Variants in AUTS2 observed in about 807,000 individuals in gnomAD.
AUTS2 encodes the protein activator of transcription and developmental regulator AUTS2.
A neutral mutation model predicts 112.4 loss-of-function variants in AUTS2; 17 were observed. The ratio of observed to expected loss-of-function variants is 0.15; its 90% CI spans 0.10 to 0.23. The LOEUF is 0.23. Among genes scored for constraint, AUTS2 ranks in the 10% least tolerant of loss-of-function variants. The pLI, the probability that AUTS2 is intolerant of heterozygous loss-of-function variation, is 1.00. For missense variants in AUTS2, 1,510 were observed against 1,701.6 expected (o/e 0.89, Z 1.98); for synonymous variants, 751 against 702.7 (o/e 1.07, Z -1.09).
At chr7:70,108,816 A>T (rs1393219868) in intron 2 of AUTS2, among the ~76,000 whole-genome samples, 6 of 140,778 alleles carry the variant, frequency 4.3e-5, no homozygotes, top group Admixed American at 2.1e-4. Context: ...AAAAAAAAAT[A>T]GCCGAGGATG....
chr7:70,425,681 T>A (rs907752529), intron 4 of AUTS2, among the ~76,000 whole-genome samples: 1 of 152,212 alleles, frequency 6.6e-6, no homozygotes, highest in Admixed American at 6.5e-5. Flanking sequence ...ACTGCCTGCC[T>A]GGGGAGCAAG....
intron 5 of AUTS2, among the ~76,000 whole-genome samples, chr7:70,526,841 C>T (rs1033534488): frequency 2.5e-4 from 38 of 152,176 alleles, no homozygotes; most frequent in African/African-American, 9.2e-4. Flanking sequence ...ACACCCTCAC[C>T]AGCCTCTGAA....
At chr7:69,749,923 A>G (rs1787663959) in intron 1 of AUTS2, among the ~76,000 whole-genome samples, 1 of 152,192 alleles carries the variant, frequency 6.6e-6, no homozygotes, top group African/African-American at 2.4e-5. Context: ...GGAAAAGAAA[A>G]GGCCACATTT....
chr7:69,858,748 T>G (rs575936044), intron 1 of AUTS2, among the ~76,000 whole-genome samples: 3 of 152,132 alleles, frequency 2.0e-5, no homozygotes, highest in Admixed American at 6.5e-5. Flanking sequence ...CAACTGGGGG[T>G]CAGCCCTGGA....
At chr7:70,485,625 T>A (rs1359169661) in intron 5 of AUTS2, among the ~76,000 whole-genome samples, 1 of 150,282 alleles carries the variant, frequency 6.7e-6, no homozygotes. Flanking sequence ...ATTGCATTTG[T>A]AAAAATAAAT....
chr7:70,013,179 A>G (rs1217813533), intron 2 of AUTS2, among the ~76,000 whole-genome samples: 1 of 152,172 alleles, frequency 6.6e-6, no homozygotes, highest in South Asian at 2.1e-4. Flanking sequence ...TGCGATGAAT[A>G]CTATTTGATT....
intron 1 of AUTS2, among the ~76,000 whole-genome samples, chr7:69,658,733 T>G (rs1425985144): frequency 6.6e-6 from 1 of 152,230 alleles, no homozygotes; most frequent in East Asian, 1.9e-4. Flanking sequence ...TGATACTATA[T>G]AATGCATTAT....
At chr7:70,257,035 T>C (rs1786911484) in intron 4 of AUTS2, among the ~76,000 whole-genome samples, 2 of 152,230 alleles carry the variant, frequency 1.3e-5, no homozygotes, top group Non-Finnish European at 2.9e-5. Context: ...TCTGCCTTGC[T>C]CTTCATTGTT....
intron 5 of AUTS2, among the ~76,000 whole-genome samples, chr7:70,524,857 A>G (rs544750201): frequency 2.6e-5 from 4 of 152,356 alleles, no homozygotes; most frequent in African/African-American, 7.2e-5. Context: ...CCTGTGGTTT[A>G]TAGCCCAGTG....
rs546597145 is a variant in AUTS2 at position 70,698,090 on chromosome 7, T to C, written c.691-479T>C. ...GATCTTGGAGTCATCAGATGAATCT[T>C]AAAAAAAAATTAATTTCTGGCAGTG... On this transcript the variant is annotated intron_variant, in intron 5 of 18. Transcript: ENST00000342771. Among the ~76,000 whole-genome samples the C allele has an allele frequency of 2.6e-5, 4 of 151,738 alleles. No homozygotes were observed. In the South Asian group the frequency reaches 8.3e-4, roughly 32 times the overall value.
In AUTS2 at chr7:70,364,283, G is replaced by T. The variant is rs1429207403; in HGVS notation, c.661-71469G>T. Among the ~76,000 whole-genome samples the T allele has an allele frequency of 3.9e-5, 6 of 152,000 alleles. No homozygotes were observed. The East Asian group carries it at 7.7e-4, about 20-fold the overall frequency. On this transcript the variant is annotated intron_variant, in intron 4 of 18. Coordinates refer to ENST00000342771, the MANE Select transcript of AUTS2 (RefSeq NM_015570.4). ...TAGAAGCTTAAAAAAAAAAAATTAGGCCGGGCGCAGTGGCTCACGCCTGTA... is the reference window on the plus strand; with the variant it reads ...TAGAAGCTTAAAAAAAAAAAATTAGTCCGGGCGCAGTGGCTCACGCCTGTA...
chr7:70,708,982 A>G (rs558947161), intron 6 of AUTS2, among the ~76,000 whole-genome samples: 1 of 147,608 alleles, frequency 6.8e-6, no homozygotes, highest in African/African-American at 2.5e-5. Flanking sequence ...CAGTGGCACC[A>G]TCTCGGCTCA....
chr7:70,132,739 T>C (rs1328190657), intron 3 of AUTS2, among the ~76,000 whole-genome samples: 2 of 152,096 alleles, frequency 1.3e-5, no homozygotes, highest in Non-Finnish European at 2.9e-5. Context: ...GTAATTTTCT[T>C]TGGTATACGA....
At chr7:70,670,350 C>A (rs1807571279) in intron 5 of AUTS2, among the ~76,000 whole-genome samples, 1 of 152,162 alleles carries the variant, frequency 6.6e-6, no homozygotes, top group African/African-American at 2.4e-5. Context: ...ATTCCATCCA[C>A]ATATTAGCCC....
intron 5 of AUTS2, among the ~76,000 whole-genome samples, chr7:70,682,128 C>T (rs559455574): frequency 3.9e-5 from 6 of 152,276 alleles, no homozygotes; most frequent in South Asian, 4.1e-4. Flanking sequence ...CCATGGCCCG[C>T]GCCACCTCAG....
chr7:69,771,571 C>A (rs1229091507), intron 1 of AUTS2, among the ~76,000 whole-genome samples: 2 of 152,080 alleles, frequency 1.3e-5, no homozygotes, highest in African/African-American at 4.8e-5. Flanking sequence ...AGATGCAGTG[C>A]TAGTTCCGTG....
At chr7:70,578,504 T>C (rs796245456) in intron 5 of AUTS2, among the ~76,000 whole-genome samples, 1 of 152,378 alleles carries the variant, frequency 6.6e-6, no homozygotes, top group African/African-American at 2.4e-5. Flanking sequence ...CAGGACTCTT[T>C]GTAACCCCAT....
At chr7:70,372,460 C>T (rs958886369) in intron 4 of AUTS2, among the ~76,000 whole-genome samples, 6 of 152,060 alleles carry the variant, frequency 3.9e-5, no homozygotes, top group Middle Eastern at 3.2e-3. Context: ...GTCTCACATT[C>T]GTTTAATCTA....
chr7:70,136,343 G>A (rs558047213), intron 4 of AUTS2, among the ~76,000 whole-genome samples: 21 of 152,246 alleles, frequency 1.4e-4, no homozygotes, highest in Admixed American at 8.5e-4. Context: ...GCTTTCAACT[G>A]TGACAAAAAT....
Sources: gnomAD v4.1 joint callset for allele counts (sites outside exome capture counted in the v4.1 genomes callset) on GRCh38, gnomAD v4.1.1 for gene constraint, MANE v1.5 for transcripts, NCBI Gene and HGNC (gene_info 2026-07-23, HGNC 2026-07-21) for gene names.